The following CFAP61 variants were observed in gnomAD, a reference collection of about 807,000 sequenced individuals.
CFAP61 encodes the protein cilia and flagella associated protein 61.
In CFAP61, 107 loss-of-function variants were observed where a neutral mutation model predicts 135.6. The observed-to-expected ratio is 0.79, with a 90% confidence interval of 0.67 to 0.93. CFAP61 has a LOEUF of 0.93. CFAP61 is among the 40% of genes least tolerant of loss of function. CFAP61 has a pLI of 0.00. For missense variants in CFAP61, 1,507 were observed against 1,556.2 expected, an observed-to-expected ratio of 0.97 and a Z score of 0.53; for synonymous variants, 575 against 578.5, an observed-to-expected ratio of 0.99 and a Z score of 0.09.
chr20:20,104,292 A>G (rs1455097125), intron 8 of CFAP61, among the ~76,000 whole-genome samples: 2 of 151,784 alleles, frequency 1.3e-5, no homozygotes, highest in Non-Finnish European at 2.9e-5. Context: ...AAATGTCTTT[A>G]TATGTCTTAT....
At chr20:20,335,772 T>C (rs2058164715) in intron 25 of CFAP61, among the ~76,000 whole-genome samples, 1 of 152,222 alleles carries the variant, frequency 6.6e-6, no homozygotes, top group Non-Finnish European at 1.5e-5. Flanking sequence ...GTAATTTCAA[T>C]CATATCTAAT....
intron 17 of CFAP61, among the ~76,000 whole-genome samples, chr20:20,210,676 C>A (rs2047570518): frequency 6.6e-6 from 1 of 152,196 alleles, no homozygotes; most frequent in Admixed American, 6.5e-5. Context: ...CCCTCTGGCT[C>A]ATGGAAGAAT....
intron 20 of CFAP61, among the ~76,000 whole-genome samples, chr20:20,259,148 T>C (rs906564490): frequency 5.3e-5 from 8 of 152,060 alleles, no homozygotes; most frequent in Non-Finnish European, 7.4e-5. Flanking sequence ...AAAAAGTTTA[T>C]TTCCTTCTCT....
intron 8 of CFAP61, among the ~76,000 whole-genome samples, chr20:20,102,084 A>G (rs2048067407): frequency 6.6e-6 from 1 of 152,144 alleles, no homozygotes; most frequent in South Asian, 2.1e-4. Flanking sequence ...CTTTTTTAAA[A>G]CTGTGAAAGG....
chr20:20,086,105 A>T (rs552394734), intron 6 of CFAP61, among the ~76,000 whole-genome samples: 2 of 150,050 alleles, frequency 1.3e-5, no homozygotes, highest in Admixed American at 6.6e-5. Flanking sequence ...TTTTTTGTAC[A>T]TGAGAAAACC....
chr20:20,063,330 G>A lies in CFAP61; in HGVS notation c.143+6534G>A, dbSNP rs114825968. Among the ~76,000 whole-genome samples the A allele has an allele frequency of 7.4e-3, 1,123 of 152,104 alleles. 20 individuals are homozygous for A. The highest frequency in any genetic ancestry group is 0.026 in the African/African-American group (1,074 of 41,494). On this transcript the variant is annotated intron_variant, in intron 2 of 26. Transcript: ENST00000245957. ...ACATAGAAAGAGAAATGAAATTAAT[G>A]TTCATGCCTTGCTCATGAACATGGA...
chr20:20,342,159 T>A (rs1261881751), intron 26 of CFAP61, among the ~76,000 whole-genome samples: 1 of 152,252 alleles, frequency 6.6e-6, no homozygotes, highest in African/African-American at 2.4e-5. Flanking sequence ...TTTAAAGAAC[T>A]GTATTTTTCT....
At chr20:20,098,503 G>T in intron 7 of CFAP61, 152 bp from the exon 8 acceptor site, 1 of 630,302 alleles carries the variant, frequency 1.6e-6, no homozygotes, top group Non-Finnish European at 2.5e-6. Context: ...CCAGCTCTGC[G>T]GGAGGCTGGG....
At chr20:20,151,391 T>C (rs1327455722) in intron 9 of CFAP61, among the ~76,000 whole-genome samples, 1 of 151,032 alleles carries the variant, frequency 6.6e-6, no homozygotes, top group Non-Finnish European at 1.5e-5. Context: ...TCCAAGAAAT[T>C]TGGGATTATG....
chr20:20,075,321 TG>T (rs2045975395), intron 5 of CFAP61, 65 bp downstream of exon 5: 4 of 1,550,858 alleles, frequency 2.6e-6, no homozygotes, highest in Non-Finnish European at 3.6e-6. Context: ...CCCAGAATGG[TG>T]CTTTGGGGAA....
intron 8 of CFAP61, among the ~76,000 whole-genome samples, chr20:20,121,290 G>A (rs1329801760): frequency 6.6e-6 from 1 of 150,890 alleles, no homozygotes; most frequent in African/African-American, 2.4e-5. Context: ...TTTATTTTTA[G>A]TAGAGATGGG....
chr20:20,169,070 A>G (rs1275218053), intron 12 of CFAP61, among the ~76,000 whole-genome samples: 1 of 152,186 alleles, frequency 6.6e-6, no homozygotes, highest in Non-Finnish European at 1.5e-5. Flanking sequence ...ATGCTGAATG[A>G]CTGCCATTGT....
At chr20:20,258,843 T>C (rs1326066387) in intron 20 of CFAP61, among the ~76,000 whole-genome samples, 1 of 152,206 alleles carries the variant, frequency 6.6e-6, no homozygotes, top group Admixed American at 6.5e-5. Context: ...TCACTGCCAT[T>C]GGCATCCCCA....
intron 13 of CFAP61, chr20:20,172,092 T>C: frequency 1.5e-6 from 1 of 668,314 alleles, no homozygotes; most frequent in Non-Finnish European, 2.0e-6. Context: ...ATGTGTCCAG[T>C]AAAAAACTCA....
intron 6 of CFAP61, 127 bp from the exon 7 acceptor site, chr20:20,090,717 G>A: frequency 3.0e-6 from 2 of 666,998 alleles, no homozygotes; most frequent in South Asian, 2.2e-5. Context: ...AAAAAAGAAG[G>A]AAAGTTGATA....
intron 25 of CFAP61, among the ~76,000 whole-genome samples, chr20:20,329,750 C>G (rs78526396): frequency 9.1e-4 from 138 of 152,356 alleles, no homozygotes; most frequent in African/African-American, 3.3e-3. Flanking sequence ...TCATTCCCAG[C>G]AGGCCCTGCC....
intron 6 of CFAP61, among the ~76,000 whole-genome samples, chr20:20,087,526 TAAG>T (rs956588891): frequency 6.6e-5 from 10 of 152,194 alleles, no homozygotes; most frequent in African/African-American, 1.7e-4. Context: ...AGCAGGGTTT[TAAG>T]AAGATTAGTG....
rs1435226093 is a variant in CFAP61, at chr20:20,052,592, G to C, written c.-37+1G>C. 1 of 1,613,734 alleles carries C rather than the reference G, an allele frequency of 6.2e-7. No homozygotes were observed. The highest frequency in any genetic ancestry group is 1.7e-5 in the Admixed American group (1 of 59,984). On this transcript the variant is annotated splice_donor_variant, in intron 1 of 26. Coordinates refer to ENST00000245957, the MANE Select transcript of CFAP61 (RefSeq NM_015585.4). LOFTEE classifies it low-confidence loss of function (5UTR_SPLICE). ...GCGGCGTCCTGGAGCTGCGGATGAG[G>C]TGGGTAACGCCGTGCTGACTAGCAG... is the stretch of plus-strand genomic sequence containing the variant.
intron 6 of CFAP61, among the ~76,000 whole-genome samples, chr20:20,083,353 G>A (rs563859810): frequency 1.5e-4 from 23 of 152,004 alleles, no homozygotes; most frequent in African/African-American, 5.5e-4. Flanking sequence ...GGGGAGGTTC[G>A]GAGGGGGTGA....
Sources: allele counts gnomAD v4.1 joint callset (sites outside exome capture counted in the v4.1 genomes callset), GRCh38; gene constraint gnomAD v4.1.1; transcripts MANE v1.5; gene names NCBI Gene and HGNC (gene_info 2026-07-23, HGNC 2026-07-21).